FAM227A: variants seen among roughly 807,000 people sequenced by gnomAD.
FAM227A encodes protein FAM227A.
Under a neutral mutation model 74.7 loss-of-function variants are expected in FAM227A, and 80 were observed. The observed-to-expected ratio is 1.07, with a 90% CI of 0.89 to 1.29. The LOEUF is 1.29. FAM227A is among the 50% of genes most tolerant of loss of function. The pLI is 0.00. For synonymous variants in FAM227A, 237 were observed against 241.8 expected, an observed-to-expected ratio of 0.98 and a Z score of 0.19; for missense variants, 654 against 683.4, an observed-to-expected ratio of 0.96 and a Z score of 0.48.
intron 15 of FAM227A, among the ~76,000 whole-genome samples, chr22:38,592,198 C>T (rs935290985): frequency 5.9e-5 from 9 of 152,048 alleles, no homozygotes; most frequent in African/African-American, 1.9e-4. Context: ...CCGCCCACCT[C>T]GGCCTCCCCA....
intron 9 of FAM227A, among the ~76,000 whole-genome samples, chr22:38,625,110 C>A (rs1196289369): frequency 6.6e-6 from 1 of 152,100 alleles, no homozygotes; most frequent in Admixed American, 6.5e-5. Flanking sequence ...CAGACATCTG[C>A]CGGGTATGGT....
chr22:38,588,715 G>A (rs1272980449), intron 16 of FAM227A, among the ~76,000 whole-genome samples: 1 of 149,274 alleles, frequency 6.7e-6, no homozygotes, highest in African/African-American at 2.5e-5. Context: ...GAGGTCAGGA[G>A]TTCGAGACCA....
At chr22:38,598,057 A>G (rs1478951433) in intron 14 of FAM227A, among the ~76,000 whole-genome samples, 2 of 151,518 alleles carry the variant, frequency 1.3e-5, no homozygotes, top group East Asian at 3.9e-4. Context: ...AAAAAAAAAA[A>G]AAAGAAAATT....
chr22:38,629,855 G>A (rs1297125670), intron 6 of FAM227A, among the ~76,000 whole-genome samples: 1 of 26,666 alleles, frequency 3.8e-5, no homozygotes, highest in Admixed American at 3.5e-4. Context: ...ATCAGGAAGC[G>A]TGCCTCTTCT....
chr22:38,632,488 C>T (rs1473540608), intron 6 of FAM227A, among the ~76,000 whole-genome samples: 1 of 152,142 alleles, frequency 6.6e-6, no homozygotes, highest in Non-Finnish European at 1.5e-5. Flanking sequence ...CCAGATGTGG[C>T]CCCTTGATCT....
chr22:38,612,886 G>C (rs538225961), intron 11 of FAM227A, among the ~76,000 whole-genome samples: 2 of 150,568 alleles, frequency 1.3e-5, no homozygotes, highest in South Asian at 4.2e-4. Context: ...ACTCTTCCAG[G>C]GTAGCTGTGC....
intron 15 of FAM227A, among the ~76,000 whole-genome samples, chr22:38,596,919 A>G (rs1332718472): frequency 6.6e-6 from 1 of 152,020 alleles, no homozygotes; most frequent in East Asian, 1.9e-4. Flanking sequence ...TTTATAGGAA[A>G]ATGTTGGCAA....
At chr22:38,634,164 G>A (rs2091960537) in intron 6 of FAM227A, among the ~76,000 whole-genome samples, 1 of 146,688 alleles carries the variant, frequency 6.8e-6, no homozygotes, top group Non-Finnish European at 1.5e-5. Flanking sequence ...GGAGGTTGCA[G>A]TGAGCTGAGA....
intron 10 of FAM227A, among the ~76,000 whole-genome samples, chr22:38,620,930 C>T (rs888335148): frequency 6.6e-6 from 1 of 152,148 alleles, no homozygotes; most frequent in Non-Finnish European, 1.5e-5. Context: ...AATTAAAATG[C>T]TTAAATGCTT....
At chr22:38,627,674 G>A (rs1024148737) in intron 8 of FAM227A, among the ~76,000 whole-genome samples, 2 of 152,010 alleles carry the variant, frequency 1.3e-5, no homozygotes, top group East Asian at 1.9e-4. Flanking sequence ...CTGCAATCTC[G>A]GTTCACTGCA....
intron 10 of FAM227A, among the ~76,000 whole-genome samples, chr22:38,622,010 T>G (rs1199813418): frequency 6.6e-6 from 1 of 152,146 alleles, no homozygotes; most frequent in Non-Finnish European, 1.5e-5. Flanking sequence ...GAGGTGGAAC[T>G]CTACTCCAGA....
At chr22:38,628,549 G>C (rs945946807) in intron 7 of FAM227A, among the ~76,000 whole-genome samples, 6 of 152,120 alleles carry the variant, frequency 3.9e-5, no homozygotes, top group African/African-American at 1.4e-4. Context: ...TGTTGAAGAC[G>C]GCACCCTAAC....
At position 38,582,412 on chromosome 22, in the gene FAM227A, CAGAATT is replaced by C. The variant is rs1208491391; in HGVS notation, c.*3707_*3712del. 1 of 1,550,030 alleles carries C rather than the reference CAGAATT, an allele frequency of 6.5e-7. No homozygotes were observed. Among genetic ancestry groups the C allele is most frequent in the East Asian group, 2.4e-5 (1 of 40,910 alleles). ...GGGTTTTCAGCAACACTGGGAATGA[CAGAATT>C]AGAATATCATACAATTACTCATTTG... On this transcript the variant is annotated 3_prime_UTR_variant, in exon 17 of 17. Transcript: ENST00000535113.
intron 5 of FAM227A, among the ~76,000 whole-genome samples, chr22:38,637,446 A>AT (rs1020746900): frequency 6.6e-6 from 1 of 152,236 alleles, no homozygotes; most frequent in African/African-American, 2.4e-5. Flanking sequence ...TCATTAAATG[A>AT]TTTTTAGGAT....
chr22:38,636,143 CAT>C (rs879161478), intron 6 of FAM227A, among the ~76,000 whole-genome samples: 3 of 152,040 alleles, frequency 2.0e-5, no homozygotes, highest in Admixed American at 6.6e-5. Flanking sequence ...TAAGCATACT[CAT>C]ATGCATTGTA....
chr22:38,619,185 C>G (rs564634926), intron 11 of FAM227A, among the ~76,000 whole-genome samples: 1 of 152,136 alleles, frequency 6.6e-6, no homozygotes, highest in East Asian at 1.9e-4. Context: ...AGGCAGGACC[C>G]CTGAGAGCCC....
rs1473150833 is a variant in FAM227A at position 38,583,007 on chromosome 22, A to G, written c.*3118T>C. 27 of 1,525,216 alleles carry G rather than the reference A, an allele frequency of 1.8e-5. 1 individual carries two copies. The highest frequency in any genetic ancestry group is 2.4e-5 in the South Asian group (2 of 83,242). The allele number at this position is 1,525,216 out of a possible 1,614,324, so 94.5% of individuals were successfully genotyped here. ...TCAGGTCCAGAAGCAGCAACAGACA[A>G]AAGATCCAGAAATAGGAAAGTGTGG... On this transcript the variant is annotated 3_prime_UTR_variant, in exon 17 of 17. Transcript: ENST00000535113.
At position 38,580,240 on chromosome 22, in the gene FAM227A, C is replaced by T. The variant is rs1433382354; in HGVS notation, c.*5885G>A. ...CGGCAACCGATGTCCTCTTTTAAGT[C>T]TCTTTTAATCTATATATTCCCCCTC... is the stretch of plus-strand genomic sequence containing the variant. On this transcript the variant is annotated 3_prime_UTR_variant, in exon 17 of 17. Transcript: ENST00000535113. 1 of 152,108 alleles carries T rather than the reference C, an allele frequency of 6.6e-6. No individual in the cohort carries two copies. The highest frequency in any genetic ancestry group is 1.5e-5 in the Non-Finnish European group (1 of 68,034). 9.4% of individuals were successfully genotyped at this position (152,108 alleles called of 1,614,324 possible). A position where few individuals can be genotyped will look rare whatever the true frequency, so the allele number is the denominator to read the frequency against.
intron 11 of FAM227A, among the ~76,000 whole-genome samples, chr22:38,613,266 CATATATT>C (rs1166596133): frequency 1.4e-5 from 1 of 69,368 alleles, no homozygotes; most frequent in African/African-American, 6.5e-5. Flanking sequence ...TATATTATAA[CATATATT>C]ATATATCATA....
Sources: gnomAD v4.1 joint callset for allele counts (sites outside exome capture counted in the v4.1 genomes callset) on GRCh38, gnomAD v4.1.1 for gene constraint, MANE v1.5 for transcripts, NCBI Gene and HGNC (gene_info 2026-07-23, HGNC 2026-07-21) for gene names.